The following PRORP variants were observed in gnomAD, a reference collection of about 807,000 sequenced individuals.
PRORP encodes mitochondrial ribonuclease P catalytic subunit.
PRORP carries 51 observed loss-of-function variants against 59.4 expected under a neutral mutation model. The ratio of observed to expected loss-of-function variants is 0.86; its 90% CI spans 0.69 to 1.08. The LOEUF (loss-of-function observed/expected upper bound fraction) is 1.08, where lower values mean the gene tolerates loss of function less well. Among genes scored for constraint, PRORP ranks in the 50% least tolerant of loss-of-function variants. The pLI, the probability that PRORP is intolerant of heterozygous loss-of-function variation, is 0.00. For missense variants in PRORP, 646 were observed against 690.3 expected (o/e 0.94, Z 0.72); for synonymous variants, 231 against 245.6 (o/e 0.94, Z 0.55).
intron 5 of PRORP, among the ~76,000 whole-genome samples, chr14:35,249,011 G>A (rs1003923506): frequency 2.6e-5 from 4 of 152,176 alleles, no homozygotes; most frequent in Admixed American, 1.3e-4. Context: ...GATATCCTGA[G>A]TTCTGGAACA....
At chr14:35,153,206 A>G (rs1368052321) in intron 4 of PRORP, among the ~76,000 whole-genome samples, 1 of 152,232 alleles carries the variant, frequency 6.6e-6, no homozygotes. Flanking sequence ...CGGCCAACAC[A>G]GCGAAACCCC....
chr14:35,196,258 T>C (rs999466789), intron 5 of PRORP, among the ~76,000 whole-genome samples: 4 of 152,228 alleles, frequency 2.6e-5, no homozygotes, highest in African/African-American at 7.2e-5. Flanking sequence ...GAGGACCACT[T>C]GAGCCCAGGA....
chr14:35,218,346 A>G (rs555157185), intron 5 of PRORP, among the ~76,000 whole-genome samples: 2 of 150,962 alleles, frequency 1.3e-5, no homozygotes, highest in East Asian at 3.9e-4. Flanking sequence ...TTGTAGTCCC[A>G]GCTATTATGG....
At chr14:35,259,230 T>C (rs1163492856) in intron 5 of PRORP, among the ~76,000 whole-genome samples, 1 of 152,242 alleles carries the variant, frequency 6.6e-6, no homozygotes, top group Admixed American at 6.5e-5. Flanking sequence ...TTTTCTCTGC[T>C]CTGAAGTCTA....
At chr14:35,125,160 C>T (rs1419795185) in intron 2 of PRORP, among the ~76,000 whole-genome samples, 1 of 152,146 alleles carries the variant, frequency 6.6e-6, no homozygotes, top group East Asian at 1.9e-4. Context: ...CGCGTCCGGC[C>T]TATTCTGTCT....
At chr14:35,180,521 AGTATCT>A in intron 4 of PRORP, 143 bp from the exon 5 acceptor site, 2 of 467,102 alleles carry the variant, frequency 4.3e-6, no homozygotes, top group Non-Finnish European at 7.6e-6. Flanking sequence ...TCATTTGTAG[AGTATCT>A]GTGTGTGTGT....
chr14:35,237,274 G>T (rs1161271626), intron 5 of PRORP, among the ~76,000 whole-genome samples: 2 of 151,582 alleles, frequency 1.3e-5, no homozygotes, highest in African/African-American at 2.4e-5. Context: ...TAAATTTTTC[G>T]TAGAGACAAA....
At chr14:35,150,014 C>T (rs556000610) in intron 4 of PRORP, among the ~76,000 whole-genome samples, 56 of 152,200 alleles carry the variant, frequency 3.7e-4, no homozygotes, top group African/African-American at 1.3e-3. Flanking sequence ...GTCACCACAC[C>T]GGCTAATTTT....
At chr14:35,172,448 C>CCTTT (rs1566474436) in intron 4 of PRORP, among the ~76,000 whole-genome samples, 1 of 67,960 alleles carries the variant, frequency 1.5e-5, no homozygotes, top group African/African-American at 3.8e-5. Flanking sequence ...TTCCTTCCTT[C>CCTTT]CTTCCTTCTT....
chr14:35,267,817 C>T (rs2051082900), intron 6 of PRORP, among the ~76,000 whole-genome samples: 10 of 151,562 alleles, frequency 6.6e-5, no homozygotes, highest in Admixed American at 5.3e-4. Flanking sequence ...CTGAGGCAGG[C>T]ATAAGCTTGG....
intron 4 of PRORP, among the ~76,000 whole-genome samples, chr14:35,147,586 C>T (rs933091760): frequency 4.6e-5 from 7 of 152,304 alleles, no homozygotes; most frequent in African/African-American, 9.6e-5. Flanking sequence ...CTCAAACGAT[C>T]CACCCACCTC....
At chr14:35,236,028 G>A (rs993102822) in intron 5 of PRORP, among the ~76,000 whole-genome samples, 56 of 150,770 alleles carry the variant, frequency 3.7e-4, no homozygotes, top group African/African-American at 1.3e-3. Flanking sequence ...CCCAGGAGGC[G>A]GAGGTTGCAT....
At chr14:35,162,075 T>C (rs1345986250) in intron 4 of PRORP, among the ~76,000 whole-genome samples, 1 of 152,108 alleles carries the variant, frequency 6.6e-6, no homozygotes, top group African/African-American at 2.4e-5. Context: ...TCTTTTTTCT[T>C]CTTTCTAGCT....
chr14:35,184,301 C>T (rs574629699), intron 5 of PRORP, among the ~76,000 whole-genome samples: 63 of 152,036 alleles, frequency 4.1e-4, no homozygotes, highest in Non-Finnish European at 7.6e-4. Flanking sequence ...ATTTTATTTT[C>T]TCAATTTTCA....
At chr14:35,122,901 T>C (rs2046967979) in intron 1 of PRORP, 51 bp from the exon 2 acceptor site, 1 of 232,922 alleles carries the variant, frequency 4.3e-6, no homozygotes, top group South Asian at 6.7e-5. Flanking sequence ...TCAGGACAGC[T>C]GTGATCCACG....
At chr14:35,236,940 T>A (rs949743194) in intron 5 of PRORP, among the ~76,000 whole-genome samples, 2 of 151,968 alleles carry the variant, frequency 1.3e-5, no homozygotes, top group Middle Eastern at 3.4e-3. Flanking sequence ...TCTTTCTCCT[T>A]CTTTCTTTCA....
chr14:35,159,938 C>T (rs188009817), intron 4 of PRORP, among the ~76,000 whole-genome samples: 190 of 152,342 alleles, frequency 1.2e-3, no homozygotes, highest in African/African-American at 4.3e-3. Flanking sequence ...ACTTAGCTTA[C>T]TATTATTTGC....
intron 5 of PRORP, chr14:35,263,163 G>A (rs8017330): frequency 0.11 from 75,002 of 683,272 alleles, 4,574 homozygotes; most frequent in Middle Eastern, 0.16. Flanking sequence ...ACATAGGACA[G>A]AAAGACTGGT....
chr14:35,208,619 C>T (rs994561654), intron 5 of PRORP, among the ~76,000 whole-genome samples: 2 of 152,174 alleles, frequency 1.3e-5, no homozygotes, highest in South Asian at 4.1e-4. Context: ...CCTGTAATCC[C>T]TGCACTTTGG....
Sources: gnomAD v4.1 joint callset for allele counts (sites outside exome capture counted in the v4.1 genomes callset) on GRCh38, gnomAD v4.1.1 for gene constraint, MANE v1.5 for transcripts, NCBI Gene and HGNC (gene_info 2026-07-23, HGNC 2026-07-21) for gene names.